C2orf72: variants seen among roughly 807,000 people sequenced by gnomAD.
C2orf72 encodes uncharacterized protein C2orf72.
In C2orf72, 16 loss-of-function variants were observed where a neutral mutation model predicts 14.4. That is an observed-to-expected ratio of 1.11 (90% CI 0.75 to 1.69). The LOEUF (loss-of-function observed/expected upper bound fraction) is 1.69. Ranked by LOEUF, C2orf72 falls within the 40% of genes most tolerant of loss-of-function variation. C2orf72 has a pLI of 0.00. For missense variants in C2orf72, 371 were observed against 358.3 expected, an observed-to-expected ratio of 1.04 and a Z score of -0.29; for synonymous variants, 168 against 176.8, an observed-to-expected ratio of 0.95 and a Z score of 0.40.
chr2:231,038,704 G>A (rs187752882), intron 1 of C2orf72, among the ~76,000 whole-genome samples: 14 of 152,196 alleles, frequency 9.2e-5, no homozygotes, highest in Non-Finnish European at 1.5e-4. Flanking sequence ...GCGCGGTGGA[G>A]GCTCGTCCTG....
chr2:231,043,731 G>T (rs1371761547), intron 2 of C2orf72, among the ~76,000 whole-genome samples: 1 of 152,148 alleles, frequency 6.6e-6, no homozygotes, highest in Non-Finnish European at 1.5e-5. Context: ...ATCTCATATA[G>T]AAGTGAATGT....
chr2:231,038,251 G>A, intron 1 of C2orf72, 52 bp downstream of exon 1: 1 of 1,163,340 alleles, frequency 8.6e-7, no homozygotes, highest in Non-Finnish European at 1.1e-6. Flanking sequence ...GCTCGGGCAC[G>A]TCCCCCAAGT....
chr2:231,038,339 C>T (rs1179078841), intron 1 of C2orf72, 140 bp downstream of exon 1: 3 of 698,328 alleles, frequency 4.3e-6, no homozygotes, highest in Non-Finnish European at 5.6e-6. Context: ...AGAGCCAGGC[C>T]TCGCAGCTAG....
intron 1 of C2orf72, among the ~76,000 whole-genome samples, chr2:231,039,902 C>T (rs1693317911): frequency 6.6e-6 from 1 of 152,032 alleles, no homozygotes; most frequent in African/African-American, 2.4e-5. Context: ...GCCACCACAC[C>T]CAGCTAATTT....
chr2:231,037,675 G>A lies in C2orf72; in HGVS notation c.110G>A (p.Gly37Asp). 9.1e-7 allele frequency: 1 copy of A among 1,102,000 alleles called. No homozygotes were observed. The highest frequency in any genetic ancestry group is 2.6e-5 in the South Asian group (1 of 37,890). The allele number at this position is 1,102,000 out of a possible 1,614,324, so 68.3% of individuals were successfully genotyped here. ...AGGRGQVLLV[G>D]ELWEREQSRA... Reference sequence around the variant, plus strand: ...GGCCGCGGGCAGGTGCTGCTGGTGGGCGAGCTGTGGGAGCGCGAACAGAGC... The same window carrying A: ...GGCCGCGGGCAGGTGCTGCTGGTGGACGAGCTGTGGGAGCGCGAACAGAGC... Residue 37 changes from glycine to aspartate, a missense_variant, in exon 1 of 3, where the codon GGC (glycine) becomes GAC (aspartate). This residue lies in a region of C2orf72 where 214 missense variants were observed against 178.7 expected (regional missense o/e 1.20). Coordinates refer to ENST00000373640, the MANE Select transcript of C2orf72 (RefSeq NM_001144994.2).
chr2:231,044,551 A>G (rs986165905), intron 2 of C2orf72, among the ~76,000 whole-genome samples: 5 of 152,178 alleles, frequency 3.3e-5, no homozygotes, highest in Non-Finnish European at 7.3e-5. Context: ...TAAATTATTA[A>G]AAGCTTTTTC....
In C2orf72 at chr2:231,037,610, TG is replaced by T; in HGVS notation, c.46del (p.Ala16ProfsTer210). The stretch of plus-strand genomic sequence containing the variant: ...CGCTGGCGGCCCGGCTTGCGCGCCC[TG>T]CCGAGCCGCCCTTCCAGGCGTTGGT... Reference protein sequence around the residue: ...EALAARLARPAEPPFQALVEA... With the variant: ...EALAARLARPXEPPFQALVEA... On this transcript the variant is annotated frameshift_variant, in exon 1 of 3. Transcript: ENST00000373640. LOFTEE classifies it high-confidence loss of function. 1 of 1,088,194 alleles carries T rather than the reference TG, an allele frequency of 9.2e-7. No individual in the cohort carries two copies. Among genetic ancestry groups the T allele is most frequent in the Non-Finnish European group, 1.1e-6 (1 of 894,830 alleles). The allele number at this position is 1,088,194 out of a possible 1,614,324, so 67.4% of individuals were successfully genotyped here. A position where few individuals can be genotyped will look rare whatever the true frequency, so the allele number is the denominator to read the frequency against.
chr2:231,038,807 T>C (rs2125135781), intron 1 of C2orf72, among the ~76,000 whole-genome samples: 1 of 152,214 alleles, frequency 6.6e-6, no homozygotes, highest in East Asian at 1.9e-4. Context: ...ACATTTTCTA[T>C]TGATTTCTGG....
chr2:231,039,616 C>T (rs560932145), intron 1 of C2orf72, among the ~76,000 whole-genome samples: 30 of 152,262 alleles, frequency 2.0e-4, no homozygotes, highest in Admixed American at 1.0e-3. Context: ...ACCCTCCTCC[C>T]TTAGGGTGCA....
At position 231,049,117 on chromosome 2, in the gene C2orf72, C is replaced by T. The variant is rs1321317748; in HGVS notation, c.*2096C>T. 1 of 152,064 alleles carries T rather than the reference C, an allele frequency of 6.6e-6. No individual in the cohort carries two copies. The highest frequency in any genetic ancestry group is 1.5e-5 in the Non-Finnish European group (1 of 68,016). 9.4% of individuals were successfully genotyped at this position (152,064 alleles called of 1,614,324 possible). The stretch of plus-strand genomic sequence containing the variant: ...AGTCTGCTGCGGCTCACCCCCACCA[C>T]CTTTACCCCCTCCCCCGCCCTTCCC... On this transcript the variant is annotated 3_prime_UTR_variant, in exon 3 of 3. Coordinates refer to ENST00000373640, the MANE Select transcript of C2orf72 (RefSeq NM_001144994.2).
intron 2 of C2orf72, among the ~76,000 whole-genome samples, chr2:231,044,859 A>G (rs1015720274): frequency 2.7e-5 from 4 of 149,354 alleles, no homozygotes; most frequent in African/African-American, 9.8e-5. Context: ...TCTTCTGGAT[A>G]CCTCTTGAAG....
intron 2 of C2orf72, among the ~76,000 whole-genome samples, chr2:231,045,169 C>A (rs1693399128): frequency 6.6e-6 from 1 of 151,756 alleles, no homozygotes; most frequent in Admixed American, 6.6e-5. Context: ...GAGGCTGAGG[C>A]AGGAGAACTG....
At position 231,038,653 on chromosome 2, in the gene C2orf72, G is replaced by C. The variant is rs183272067; in HGVS notation, c.634+454G>C. ...AATTCTAGGGCGCTGCGCAGCCAGAGATGCGTCGGGAGCTCTAGGAGGGGC... is the reference window on the plus strand; with the variant it reads ...AATTCTAGGGCGCTGCGCAGCCAGACATGCGTCGGGAGCTCTAGGAGGGGC... On this transcript the variant is annotated intron_variant, in intron 1 of 2. Coordinates refer to ENST00000373640, the MANE Select transcript of C2orf72 (RefSeq NM_001144994.2). 3.0e-3 allele frequency among the ~76,000 whole-genome samples: 464 copies of C among 152,262 alleles called. 5 individuals carry two copies. The highest frequency in any genetic ancestry group is 0.011 in the African/African-American group (443 of 41,552).
Position 231,038,183 on chromosome 2 carries a change from C to T in C2orf72, c.618C>T (p.Ala206=). The T allele has an allele frequency of 8.4e-7, 1 of 1,192,888 alleles. No individual in the cohort carries two copies. 73.9% of individuals were successfully genotyped at this position (1,192,888 alleles called of 1,614,324 possible). A position where few individuals can be genotyped will look rare whatever the true frequency, so the allele number is the denominator to read the frequency against. Reference sequence around the variant, plus strand: ...CCGCCTGCAGGGCCCTGCAAGCCGCCGGAGCCGGGCAACCAGGTGAGACTG... The same window carrying T: ...CCGCCTGCAGGGCCCTGCAAGCCGCTGGAGCCGGGCAACCAGGTGAGACTG... ...QAAACRALQA[A]GAGQPVEGAW... is the part of the protein sequence containing the mutation. Residue 206 remains alanine (A), a synonymous_variant, in exon 1 of 3, where the codon GCC becomes GCT. Transcript: ENST00000373640.
chr2:231,041,174 A>T, intron 1 of C2orf72, 122 bp from the exon 2 acceptor site: 2 of 668,596 alleles, frequency 3.0e-6, no homozygotes, highest in Non-Finnish European at 4.9e-6. Context: ...CTGTGTTTTT[A>T]ATCAGACAGT....
At position 231,044,933 on chromosome 2, in the gene C2orf72, G is replaced by A. The variant is rs867180897; in HGVS notation, c.749-1949G>A. Among the ~76,000 whole-genome samples, 294 of 116,436 alleles carry A rather than the reference G, an allele frequency of 2.5e-3. 2 individuals carry two copies. Among genetic ancestry groups the A allele is most frequent in the African/African-American group, 0.01 (268 of 25,884 alleles). The allele number at this position is 116,436 out of a possible 152,430, so 76.4% of individuals were successfully genotyped here. ...ATATAAACTTTATATACGTGTGTGTGTATATATATCTTTATATATATATAT... is the reference window on the plus strand; with the variant it reads ...ATATAAACTTTATATACGTGTGTGTATATATATATCTTTATATATATATAT... On this transcript the variant is annotated intron_variant, in intron 2 of 2. Transcript: ENST00000373640.
At chr2:231,044,861 C>G (rs1693390217) in intron 2 of C2orf72, among the ~76,000 whole-genome samples, 2 of 149,208 alleles carry the variant, frequency 1.3e-5, no homozygotes, top group Non-Finnish European at 3.0e-5. Flanking sequence ...TTCTGGATAC[C>G]TCTTGAAGGG....
chr2:231,044,968 C>A (rs1361105262), intron 2 of C2orf72, among the ~76,000 whole-genome samples: 4 of 121,784 alleles, frequency 3.3e-5, no homozygotes, highest in Admixed American at 8.0e-5. Context: ...TATATACACA[C>A]ACACACACAT....
chr2:231,045,394 C>T (rs941263898), intron 2 of C2orf72, among the ~76,000 whole-genome samples: 1 of 151,556 alleles, frequency 6.6e-6, no homozygotes, highest in South Asian at 2.1e-4. Flanking sequence ...TGACTGGCAG[C>T]GAGTTAGGTT....
Sources: allele counts gnomAD v4.1 joint callset (sites outside exome capture counted in the v4.1 genomes callset), GRCh38; gene constraint gnomAD v4.1.1; regional missense constraint gnomAD v4.1.1; transcripts MANE v1.5; gene names NCBI Gene and HGNC (gene_info 2026-07-23, HGNC 2026-07-21).